Variants in SSBP2 observed in about 807,000 individuals in gnomAD.
SSBP2 encodes single-stranded DNA-binding protein 2.
SSBP2 carries 17 observed loss-of-function variants against 61.8 expected under a neutral mutation model. That is an observed-to-expected ratio of 0.28 (90% CI 0.19 to 0.41). The LOEUF is 0.41. SSBP2 is among the 10% of genes least tolerant of loss of function. The probability of loss-of-function intolerance (pLI) is 1.00; values close to 1 mark genes in which losing one functional copy is unlikely to be tolerated. For missense variants in SSBP2, 310 were observed against 458.7 expected (o/e 0.68, Z 2.96); for synonymous variants, 139 against 141.3 (o/e 0.98, Z 0.12).
chr5:81,594,584 A>T (rs995570431), intron 4 of SSBP2, among the ~76,000 whole-genome samples: 22 of 152,202 alleles, frequency 1.4e-4, no homozygotes, highest in Non-Finnish European at 5.9e-5. Flanking sequence ...CTGACCACAT[A>T]GTTGGAAGTA....
intron 6 of SSBP2, among the ~76,000 whole-genome samples, chr5:81,481,619 TAA>T (rs34578727): frequency 5.8e-5 from 7 of 120,994 alleles, no homozygotes; most frequent in Admixed American, 8.3e-5. Flanking sequence ...AAACTACATC[TAA>T]AAAAAAAAAA....
At position 81,712,203 on chromosome 5, in the gene SSBP2, G is replaced by A. The variant is rs571218563; in HGVS notation, c.62+38778C>T. ...ATTCATAAGACCTTCTAATAAATGG[G>A]CAAAAATAAAGAAAAGTTTATGTGT... is the stretch of plus-strand genomic sequence containing the variant. On this transcript the variant is annotated intron_variant, in intron 1 of 16. Transcript: ENST00000320672. Among the ~76,000 whole-genome samples the A allele has an allele frequency of 5.3e-5, 8 of 150,768 alleles. No homozygotes were observed. The East Asian group carries it at 1.4e-3, about 26-fold the overall frequency.
At chr5:81,610,871 G>C (rs1184971601) in intron 4 of SSBP2, among the ~76,000 whole-genome samples, 1 of 152,164 alleles carries the variant, frequency 6.6e-6, no homozygotes, top group Non-Finnish European at 1.5e-5. Context: ...GCACAGGCCT[G>C]TAATCCCAGC....
chr5:81,604,226 T>C (rs1744654767), intron 4 of SSBP2, among the ~76,000 whole-genome samples: 1 of 151,832 alleles, frequency 6.6e-6, no homozygotes, highest in African/African-American at 2.4e-5. Flanking sequence ...ATAGCTACAG[T>C]GATGGCTTCA....
intron 16 of SSBP2, among the ~76,000 whole-genome samples, chr5:81,424,849 T>C (rs1368796025): frequency 1.3e-5 from 2 of 152,208 alleles, no homozygotes; most frequent in Non-Finnish European, 2.9e-5. Context: ...TGGTGTACTG[T>C]ACTGAGACCA....
chr5:81,557,574 T>A (rs945249924), intron 4 of SSBP2, among the ~76,000 whole-genome samples: 2 of 152,170 alleles, frequency 1.3e-5, no homozygotes. Flanking sequence ...GTAATTCATT[T>A]TGGACAGTTT....
intron 1 of SSBP2, among the ~76,000 whole-genome samples, chr5:81,711,996 T>G (rs1001053512): frequency 1.3e-5 from 2 of 151,932 alleles, no homozygotes; most frequent in African/African-American, 4.8e-5. Context: ...TAAGCTATTT[T>G]TATTATCACT....
intron 1 of SSBP2, among the ~76,000 whole-genome samples, chr5:81,653,073 T>A (rs982595065): frequency 7.2e-5 from 11 of 151,994 alleles, no homozygotes; most frequent in Admixed American, 2.6e-4. Context: ...CATTAGGTAT[T>A]TCTCCTAATG....
At position 81,609,096 on chromosome 5, in the gene SSBP2, A is replaced by C. The variant is rs138419585; in HGVS notation, c.282+6377T>G. 4.6e-3 allele frequency among the ~76,000 whole-genome samples: 706 copies of C among 152,302 alleles called. 6 individuals carry two copies. Among genetic ancestry groups the C allele is most frequent in the African/African-American group, 0.017 (689 of 41,570 alleles). On this transcript the variant is annotated intron_variant, in intron 4 of 16. Transcript: ENST00000320672. Reference sequence around the variant, plus strand: ...AACCTCTATGATTGGGTGTTCTCTCATTCCTAGGCACGATCTATGGCCCTT... The same window carrying C: ...AACCTCTATGATTGGGTGTTCTCTCCTTCCTAGGCACGATCTATGGCCCTT...
chr5:81,586,282 C>T (rs1775050482), intron 4 of SSBP2, among the ~76,000 whole-genome samples: 1 of 152,144 alleles, frequency 6.6e-6, no homozygotes, highest in African/African-American at 2.4e-5. Context: ...TACGAGGGTT[C>T]CCTTTACTCC....
At chr5:81,539,692 A>G (rs1580961881) in intron 4 of SSBP2, among the ~76,000 whole-genome samples, 2 of 152,204 alleles carry the variant, frequency 1.3e-5, no homozygotes, top group East Asian at 3.8e-4. Context: ...ACCTTCCAAC[A>G]GCAAAAAGAT....
At chr5:81,744,148 T>C (rs536123706) in intron 1 of SSBP2, among the ~76,000 whole-genome samples, 2 of 152,198 alleles carry the variant, frequency 1.3e-5, no homozygotes, top group African/African-American at 2.4e-5. Context: ...ACTCAAATGA[T>C]AGCACTGCTG....
intron 1 of SSBP2, among the ~76,000 whole-genome samples, chr5:81,664,289 A>ATT (rs888874649): frequency 6.9e-6 from 1 of 143,942 alleles, no homozygotes; most frequent in African/African-American, 2.5e-5. Context: ...TGCCCGGCTA[A>ATT]TTTTTTTTTT....
intron 4 of SSBP2, among the ~76,000 whole-genome samples, chr5:81,544,701 C>T (rs547266543): frequency 6.6e-6 from 1 of 152,262 alleles, no homozygotes; most frequent in Non-Finnish European, 1.5e-5. Flanking sequence ...ACAATAATGT[C>T]ACTGATTTAG....
Position 81,462,524 on chromosome 5 carries a change from T to C in SSBP2, c.639-1421A>G, listed in dbSNP as rs1764611633. On this transcript the variant is annotated intron_variant, in intron 9 of 16. Coordinates refer to ENST00000320672, the MANE Select transcript of SSBP2 (RefSeq NM_012446.5). The stretch of plus-strand genomic sequence containing the variant: ...CCAGTGGGGACTTGATAAAATTTTG[T>C]GCATAGGGAGAAAGAAGGTGAGAGG... Among the ~76,000 whole-genome samples, 3 of 152,164 alleles carry C rather than the reference T, an allele frequency of 2.0e-5. No individual in the cohort carries two copies. The South Asian group carries it at 6.2e-4, about 31-fold the overall frequency.
intron 6 of SSBP2, among the ~76,000 whole-genome samples, chr5:81,480,428 T>C (rs10060828): frequency 3.3e-5 from 5 of 152,204 alleles, no homozygotes; most frequent in Admixed American, 1.3e-4. Flanking sequence ...AAAAACACAA[T>C]GTATATACCT....
chr5:81,425,073 G>A (rs1405383999), intron 16 of SSBP2, among the ~76,000 whole-genome samples: 2 of 152,170 alleles, frequency 1.3e-5, no homozygotes, highest in Non-Finnish European at 2.9e-5. Context: ...TATTTTAAAT[G>A]TATACCAACT....
At chr5:81,610,985 ACT>A (rs763181751) in intron 4 of SSBP2, among the ~76,000 whole-genome samples, 10 of 152,190 alleles carry the variant, frequency 6.6e-5, no homozygotes, top group Non-Finnish European at 1.2e-4. Flanking sequence ...CAAGAGTGAA[ACT>A]CTGTCTCAAA....
intron 4 of SSBP2, among the ~76,000 whole-genome samples, chr5:81,534,968 C>T (rs1421277904): frequency 2.0e-5 from 3 of 151,600 alleles, no homozygotes; most frequent in Non-Finnish European, 4.4e-5. Context: ...AGATAACGCA[C>T]ACACACACAC....
Sources: allele counts gnomAD v4.1 joint callset (sites outside exome capture counted in the v4.1 genomes callset), GRCh38; gene constraint gnomAD v4.1.1; transcripts MANE v1.5; gene names NCBI Gene and HGNC (gene_info 2026-07-23, HGNC 2026-07-21).